The following WAC variants were observed in gnomAD, a reference collection of about 807,000 sequenced individuals.
WAC encodes the protein WW domain containing adaptor with coiled-coil.
In WAC, 11 loss-of-function variants were observed where a neutral mutation model predicts 79.6. The ratio of observed to expected loss-of-function variants is 0.14; its 90% CI spans 0.09 to 0.23. WAC has a LOEUF of 0.23. WAC is among the 10% of genes least tolerant of loss of function. WAC has a pLI of 1.00. For missense variants in WAC, 728 were observed against 773.5 expected (o/e 0.94, Z 0.70); for synonymous variants, 304 against 276.9 (o/e 1.10, Z -0.97).
At chr10:28,571,916 T>C (rs1838994398) in intron 3 of WAC, among the ~76,000 whole-genome samples, 1 of 152,236 alleles carries the variant, frequency 6.6e-6, no homozygotes, top group African/African-American at 2.4e-5. Context: ...ATTTGATAAA[T>C]TTTTATAAAA....
Position 28,563,242 on chromosome 10 carries a change from C to G in WAC, c.275-20157C>G, listed in dbSNP as rs199694329. 1.1e-4 allele frequency among the ~76,000 whole-genome samples: 16 copies of G among 152,218 alleles called. No individual in the cohort carries two copies. In the East Asian group the frequency reaches 2.9e-3, roughly 28 times the overall value. On this transcript the variant is annotated intron_variant, in intron 3 of 13. Transcript: ENST00000354911. ...ATTACTCTTTTCAAGTAATTTGATT[C>G]TTTTCCTTCTAGTTGGGAAGATTAG...
At chr10:28,542,513 A>C (rs1471881044) in intron 3 of WAC, among the ~76,000 whole-genome samples, 4 of 152,268 alleles carry the variant, frequency 2.6e-5, no homozygotes, top group Admixed American at 2.6e-4. Flanking sequence ...AAAATGGTTA[A>C]AGAATAACAC....
At position 28,608,191 on chromosome 10, in the gene WAC, A is replaced by T. The variant is rs2232791; in HGVS notation, c.925A>T (p.Thr309Ser). ...PAQKTERKES[T>S]SGDKPVSHSC... ...CTGATTATCTTTTTATTTAGAATCT[A>T]CATCAGGAGACAAACCCGTATCACA... is the stretch of plus-strand genomic sequence containing the variant. Residue 309 changes from threonine (T) to serine (S), a missense_variant, in exon 8 of 14, where the codon ACA becomes TCA. Transcript: ENST00000354911. The T allele has an allele frequency of 6.2e-7, 1 of 1,613,832 alleles. No individual in the cohort carries two copies. Among genetic ancestry groups the T allele is most frequent in the Non-Finnish European group, 8.5e-7 (1 of 1,179,978 alleles).
At position 28,587,908 on chromosome 10, in the gene WAC, T is replaced by A. The variant is rs576353656; in HGVS notation, c.382-1828T>A. On this transcript the variant is annotated intron_variant, in intron 4 of 13. Coordinates refer to ENST00000354911, the MANE Select transcript of WAC (RefSeq NM_016628.5). ...CAGAATGTTAATCACTTAAATAGAATGTTTAGTTCAGCTGACTTTTTTTTT... is the reference window on the plus strand; with the variant it reads ...CAGAATGTTAATCACTTAAATAGAAAGTTTAGTTCAGCTGACTTTTTTTTT... 5.8e-5 allele frequency among the ~76,000 whole-genome samples: 8 copies of A among 137,834 alleles called. No homozygotes were observed. In the East Asian group the frequency reaches 1.8e-3, roughly 31 times the overall value. The allele number at this position is 137,834 out of a possible 152,430, so 90.4% of individuals were successfully genotyped here.
chr10:28,573,339 C>T (rs80159905), intron 3 of WAC, among the ~76,000 whole-genome samples: 2,880 of 152,068 alleles, frequency 0.019, 97 homozygotes, highest in African/African-American at 0.066. Flanking sequence ...GATCTACTTT[C>T]TGTCTCTCTA....
chr10:28,594,167 TTTTTG>T (rs1019854764), intron 6 of WAC, among the ~76,000 whole-genome samples: 3 of 141,248 alleles, frequency 2.1e-5, no homozygotes, highest in South Asian at 2.3e-4. Context: ...GCTGCTGCCC[TTTTTG>T]TTTTTTTAAT....
intron 3 of WAC, among the ~76,000 whole-genome samples, chr10:28,574,006 G>GA (rs1339619665): frequency 6.6e-6 from 1 of 151,964 alleles, no homozygotes; most frequent in Non-Finnish European, 1.5e-5. Context: ...ATATTTTTGA[G>GA]ATTCATTTAT....
chr10:28,593,433 TG>T (rs1211788256), intron 6 of WAC, among the ~76,000 whole-genome samples: 2 of 152,118 alleles, frequency 1.3e-5, no homozygotes, highest in Non-Finnish European at 2.9e-5. Flanking sequence ...TTTTTGTTTT[TG>T]TTTTTTTGCA....
intron 9 of WAC, 132 bp downstream of exon 9, chr10:28,610,953 T>G (rs1441814540): frequency 9.5e-7 from 1 of 1,054,940 alleles, no homozygotes; most frequent in Non-Finnish European, 1.3e-6. Flanking sequence ...TACAATAATT[T>G]TGTTTTTTTT....
chr10:28,619,439 C>G, intron 13 of WAC, 98 bp from the exon 14 acceptor site: 1 of 874,374 alleles, frequency 1.1e-6, no homozygotes, highest in East Asian at 3.1e-5. Context: ...AATTAGAAAT[C>G]ACTTGTTTTA....
At chr10:28,578,554 T>C (rs1040383237) in intron 3 of WAC, among the ~76,000 whole-genome samples, 4 of 152,138 alleles carry the variant, frequency 2.6e-5, no homozygotes, top group African/African-American at 4.8e-5. Flanking sequence ...TTTAATCATA[T>C]AGAGTTGTAT....
intron 3 of WAC, among the ~76,000 whole-genome samples, chr10:28,561,304 A>G (rs938404639): frequency 6.6e-6 from 1 of 152,198 alleles, no homozygotes; most frequent in Admixed American, 6.5e-5. Flanking sequence ...TCAATTACAC[A>G]TAAAGGAAGC....
chr10:28,577,667 G>T (rs1257188139), intron 3 of WAC, among the ~76,000 whole-genome samples: 3 of 152,156 alleles, frequency 2.0e-5, no homozygotes, highest in Non-Finnish European at 4.4e-5. Flanking sequence ...AAGATCTTGG[G>T]AAGGTACTGA....
rs753406990 is a variant in WAC at position 28,583,292 on chromosome 10, A to G, written c.275-107A>G. 4.0e-5 allele frequency: 30 copies of G among 758,298 alleles called. No individual in the cohort carries two copies. The Admixed American group carries it at 4.0e-4, about 10-fold the overall frequency. The allele number at this position is 758,298 out of a possible 1,614,324, so 47.0% of individuals were successfully genotyped here. ...TATATATTCCTAATGCTTATGTAAG[A>G]TGTTCGTTTAGAGATATAAAATAAT... On this transcript the variant is annotated intron_variant, in intron 3 of 13. Coordinates refer to ENST00000354911, the MANE Select transcript of WAC (RefSeq NM_016628.5).
At chr10:28,609,267 G>T (rs1302933257) in intron 8 of WAC, among the ~76,000 whole-genome samples, 1 of 152,190 alleles carries the variant, frequency 6.6e-6, no homozygotes, top group East Asian at 1.9e-4. Flanking sequence ...GGAGGCTGAG[G>T]TACGAGAATC....
At chr10:28,600,395 T>TA (rs1185351366) in intron 7 of WAC, among the ~76,000 whole-genome samples, 2 of 152,260 alleles carry the variant, frequency 1.3e-5, no homozygotes, top group Middle Eastern at 6.8e-3. Flanking sequence ...GCTAGGCTCT[T>TA]ATAGCTGATG....
intron 6 of WAC, among the ~76,000 whole-genome samples, chr10:28,594,254 A>G (rs1341898285): frequency 2.0e-5 from 3 of 152,168 alleles, no homozygotes; most frequent in African/African-American, 7.2e-5. Context: ...GACTAGCGAT[A>G]TAGAACTGAA....
intron 3 of WAC, among the ~76,000 whole-genome samples, chr10:28,560,438 G>C (rs909280712): frequency 2.0e-4 from 30 of 152,220 alleles, no homozygotes; most frequent in African/African-American, 7.2e-4. Context: ...AGATGAGGAA[G>C]ACTATAGAGC....
At chr10:28,611,986 T>G in intron 10 of WAC, 64 bp downstream of exon 10, 1 of 1,569,454 alleles carries the variant, frequency 6.4e-7, no homozygotes, top group East Asian at 2.2e-5. Context: ...CAATAACATT[T>G]TAGAATCTGT....
Sources: gnomAD v4.1 joint callset for allele counts (sites outside exome capture counted in the v4.1 genomes callset) on GRCh38, gnomAD v4.1.1 for gene constraint, MANE v1.5 for transcripts, NCBI Gene and HGNC (gene_info 2026-07-23, HGNC 2026-07-21) for gene names.